PLAAT5: variants seen among roughly 807,000 people sequenced by gnomAD.
PLAAT5 encodes phospholipase A and acyltransferase 5.
Under a neutral mutation model 27.8 loss-of-function variants are expected in PLAAT5, and 27 were observed. The observed-to-expected ratio is 0.97, with a 90% CI of 0.72 to 1.34. The LOEUF (loss-of-function observed/expected upper bound fraction) is 1.34. Ranked by LOEUF, PLAAT5 falls within the 40% of genes most tolerant of loss-of-function variation. The pLI is 0.00. For synonymous variants in PLAAT5, 125 were observed against 136.1 expected, an observed-to-expected ratio of 0.92 and a Z score of 0.57; for missense variants, 368 against 343.8, an observed-to-expected ratio of 1.07 and a Z score of -0.56.
At chr11:63,475,935 C>T (rs182830674) in intron 3 of PLAAT5, among the ~76,000 whole-genome samples, 2 of 152,172 alleles carry the variant, frequency 1.3e-5, no homozygotes. Flanking sequence ...AGATATATTA[C>T]ATCCAAATAT....
At chr11:63,489,615 G>A (rs1277581330) in intron 2 of PLAAT5, among the ~76,000 whole-genome samples, 1 of 152,172 alleles carries the variant, frequency 6.6e-6, no homozygotes, top group Non-Finnish European at 1.5e-5. Flanking sequence ...GTCCCACCTT[G>A]AGCTAGTAAA....
chr11:63,481,278 A>G (rs945351587), intron 3 of PLAAT5, among the ~76,000 whole-genome samples: 3 of 152,264 alleles, frequency 2.0e-5, no homozygotes, highest in Non-Finnish European at 4.4e-5. Context: ...CTCCTCTACT[A>G]AAACTACAAA....
intron 3 of PLAAT5, among the ~76,000 whole-genome samples, chr11:63,475,002 T>C (rs1197052853): frequency 6.6e-6 from 1 of 152,156 alleles, no homozygotes; most frequent in African/African-American, 2.4e-5. Flanking sequence ...TTTAATTTCA[T>C]GTGATCAGAT....
rs545768445 is a variant in PLAAT5, at chr11:63,485,996, T to C, written c.345+2875A>G. On this transcript the variant is annotated intron_variant, in intron 3 of 5. Coordinates refer to ENST00000540857, the MANE Select transcript of PLAAT5 (RefSeq NM_001146729.2). ...TGAACAGGCAATTCTCAAAAGAAGATATACAAATGGCCAACAAACATATTA... is the reference window on the plus strand; with the variant it reads ...TGAACAGGCAATTCTCAAAAGAAGACATACAAATGGCCAACAAACATATTA... Among the ~76,000 whole-genome samples, 5 of 152,182 alleles carry C rather than the reference T, an allele frequency of 3.3e-5. No homozygotes were observed. In the East Asian group the frequency reaches 9.6e-4, roughly 29 times the overall value.
At chr11:63,477,562 G>A (rs374822985) in intron 3 of PLAAT5, among the ~76,000 whole-genome samples, 18 of 150,570 alleles carry the variant, frequency 1.2e-4, no homozygotes, top group South Asian at 6.4e-4. Context: ...TGCAACCTCC[G>A]CCTTCCAGGT....
chr11:63,483,801 GTATATATATATATATATATATATA>G (rs71039646), intron 3 of PLAAT5, among the ~76,000 whole-genome samples: 324 of 24,156 alleles, frequency 0.013, 13 homozygotes, highest in African/African-American at 0.037. Context: ...ATATATATAT[GTATATATATATATATATATATATA>G]TATATATATA....
At chr11:63,477,545 G>T (rs908252088) in intron 3 of PLAAT5, among the ~76,000 whole-genome samples, 1 of 150,944 alleles carries the variant, frequency 6.6e-6, no homozygotes, top group African/African-American at 2.4e-5. Flanking sequence ...GTGTGATCTC[G>T]GCCCACTGCA....
chr11:63,481,901 T>C (rs2016295138), intron 3 of PLAAT5, among the ~76,000 whole-genome samples: 1 of 152,030 alleles, frequency 6.6e-6, no homozygotes, highest in Non-Finnish European at 1.5e-5. Context: ...CACCAGGGAC[T>C]GTTGTGGGGT....
At chr11:63,481,580 T>TA (rs1346215272) in intron 3 of PLAAT5, among the ~76,000 whole-genome samples, 1 of 152,202 alleles carries the variant, frequency 6.6e-6, no homozygotes, top group East Asian at 1.9e-4. Flanking sequence ...GGTGCCCACT[T>TA]AGAGAAACTC....
chr11:63,483,400 T>C (rs1202447855), intron 3 of PLAAT5, among the ~76,000 whole-genome samples: 1 of 151,868 alleles, frequency 6.6e-6, no homozygotes, highest in Non-Finnish European at 1.5e-5. Flanking sequence ...CGAAAATATA[T>C]CAAGTACCCT....
intron 3 of PLAAT5, among the ~76,000 whole-genome samples, chr11:63,481,880 G>A (rs1337339139): frequency 6.6e-6 from 1 of 152,128 alleles, no homozygotes; most frequent in African/African-American, 2.4e-5. Context: ...CACAGGAAGG[G>A]GAACATCACA....
intron 3 of PLAAT5, among the ~76,000 whole-genome samples, chr11:63,480,866 T>G (rs1052869423): frequency 6.6e-6 from 1 of 152,216 alleles, no homozygotes; most frequent in African/African-American, 2.4e-5. Context: ...GCTGGTACCT[T>G]CAATTCTAGG....
At position 63,481,712 on chromosome 11, in the gene PLAAT5, A is replaced by G. The variant is rs537546750; in HGVS notation, c.345+7159T>C. Among the ~76,000 whole-genome samples, 3 of 152,344 alleles carry G rather than the reference A, an allele frequency of 2.0e-5. No individual in the cohort carries two copies. The East Asian group carries it at 5.8e-4, about 29-fold the overall frequency. ...AAAATGTGGCACATATACACCATGG[A>G]ATACTATGCAGCCATAAAAAATGAT... is the stretch of plus-strand genomic sequence containing the variant. On this transcript the variant is annotated intron_variant, in intron 3 of 5. Transcript: ENST00000540857.
intron 4 of PLAAT5, among the ~76,000 whole-genome samples, chr11:63,467,737 A>G (rs1357795724): frequency 6.6e-6 from 1 of 152,020 alleles, no homozygotes; most frequent in African/African-American, 2.4e-5. Context: ...GTTGTTTCCC[A>G]TTTTGCTGTA....
rs370401429 is a variant in PLAAT5 at position 63,468,422 on chromosome 11, C to T, written c.389G>A (p.Arg130Gln). Reference sequence around the variant, plus strand: ...GATGGCCCAGTGCTCATAGCCAATTCGAAAAATCTCAATCAGGTCTCCAGG... The same window carrying T: ...GATGGCCCAGTGCTCATAGCCAATTTGAAAAATCTCAATCAGGTCTCCAGG... ...PRPGDLIEIF[R>Q]IGYEHWAIYV... Residue 130 changes from arginine to glutamine, a missense_variant, in exon 4 of 6, where the codon CGA becomes CAA. Arg to Gln is a conservative substitution (Grantham distance 43). Transcript: ENST00000540857. 7.4e-6 allele frequency: 12 copies of T among 1,613,982 alleles called. No homozygotes were observed. Among genetic ancestry groups the T allele is most frequent in the African/African-American group, 2.7e-5 (2 of 74,906 alleles).
intron 3 of PLAAT5, among the ~76,000 whole-genome samples, chr11:63,488,099 C>G (rs1416984882): frequency 6.6e-6 from 1 of 152,192 alleles, no homozygotes; most frequent in Non-Finnish European, 1.5e-5. Flanking sequence ...GAGCCAAGAT[C>G]ACGCCACTGC....
chr11:63,467,529 C>T (rs956098703), intron 4 of PLAAT5, among the ~76,000 whole-genome samples: 3 of 152,006 alleles, frequency 2.0e-5, no homozygotes, highest in Non-Finnish European at 4.4e-5. Flanking sequence ...CAAGTTAGGA[C>T]CAAAGGCCTT....
chr11:63,466,918 A>G (rs2015881918), intron 4 of PLAAT5, among the ~76,000 whole-genome samples: 1 of 152,282 alleles, frequency 6.6e-6, no homozygotes, highest in Middle Eastern at 3.4e-3. Flanking sequence ...AAATACGGGG[A>G]TTCTCATTAA....
chr11:63,474,828 C>T (rs562814813), intron 3 of PLAAT5, among the ~76,000 whole-genome samples: 1 of 152,094 alleles, frequency 6.6e-6, no homozygotes, highest in African/African-American at 2.4e-5. Context: ...AGCACTTCAG[C>T]TGCATCTCAT....
Sources: allele counts gnomAD v4.1 joint callset (sites outside exome capture counted in the v4.1 genomes callset), GRCh38; gene constraint gnomAD v4.1.1; transcripts MANE v1.5; gene names NCBI Gene and HGNC (gene_info 2026-07-23, HGNC 2026-07-21).